The following CYTH3 variants were observed in gnomAD, a reference collection of about 807,000 sequenced individuals.
CYTH3 encodes the protein cytohesin 3, also known as cytohesin-3.
Under a neutral mutation model 55.1 loss-of-function variants are expected in CYTH3, and 23 were observed. That is an observed-to-expected ratio of 0.42 (90% CI 0.30 to 0.59). The LOEUF (loss-of-function observed/expected upper bound fraction) is 0.59. CYTH3 is among the 20% of genes least tolerant of loss of function. CYTH3 has a pLI of 0.20. For synonymous variants in CYTH3, 249 were observed against 194.9 expected (o/e 1.28, Z -2.31); for missense variants, 413 against 524.8 (o/e 0.79, Z 2.08).
chr7:6,238,966 C>A (rs1470647283), intron 1 of CYTH3, among the ~76,000 whole-genome samples: 3 of 150,638 alleles, frequency 2.0e-5, no homozygotes, highest in African/African-American at 7.5e-5. Context: ...GTAATTCCAG[C>A]ACTTTGGGAG....
intron 4 of CYTH3, among the ~76,000 whole-genome samples, chr7:6,179,809 CCACACACACACCA>C (rs1562881608): frequency 1.5e-5 from 2 of 134,212 alleles, no homozygotes; most frequent in African/African-American, 5.5e-5. Context: ...ACCACACACA[CCACACACACACCA>C]CACACGCACA....
At chr7:6,236,472 A>G (rs1016234892) in intron 1 of CYTH3, among the ~76,000 whole-genome samples, 8 of 151,866 alleles carry the variant, frequency 5.3e-5, no homozygotes, top group African/African-American at 1.9e-4. Context: ...GGCCTCCAAA[A>G]GCACTGGAAT....
chr7:6,242,814 C>T (rs1241857460), intron 1 of CYTH3, among the ~76,000 whole-genome samples: 1 of 152,130 alleles, frequency 6.6e-6, no homozygotes, highest in African/African-American at 2.4e-5. Flanking sequence ...CTACCCAGTG[C>T]CTCCCATACT....
intron 4 of CYTH3, among the ~76,000 whole-genome samples, chr7:6,178,418 T>C (rs1280348148): frequency 1.3e-5 from 2 of 152,218 alleles, no homozygotes; most frequent in Non-Finnish European, 2.9e-5. Flanking sequence ...CTGGCTGCCT[T>C]TGGCACTAGA....
chr7:6,209,632 G>C lies in CYTH3; in HGVS notation c.35-19101C>G, dbSNP rs571406312. Among the ~76,000 whole-genome samples the C allele has an allele frequency of 5.3e-5, 8 of 152,232 alleles. No homozygotes were observed. In the South Asian group the frequency reaches 1.7e-3, roughly 32 times the overall value. ...TCCTTGGAATTTACCCAACTGAGTT[G>C]GAAACTATGTCCACATGAAAATCTG... On this transcript the variant is annotated intron_variant, in intron 1 of 12. Coordinates refer to ENST00000350796, the MANE Select transcript of CYTH3 (RefSeq NM_004227.4).
intron 1 of CYTH3, among the ~76,000 whole-genome samples, chr7:6,237,545 G>A (rs202205872): frequency 2.0e-5 from 3 of 151,770 alleles, no homozygotes; most frequent in African/African-American, 7.3e-5. Flanking sequence ...CCGTCTCTAC[G>A]AAAAATACAA....
chr7:6,163,551 G>C lies in CYTH3; in HGVS notation c.*1393C>G, dbSNP rs186074177. 3.9e-5 allele frequency: 6 copies of C among 152,426 alleles called. No homozygotes were observed. The highest frequency in any genetic ancestry group is 7.3e-5 in the Non-Finnish European group (5 of 68,104). 9.4% of individuals were successfully genotyped at this position (152,426 alleles called of 1,614,324 possible). ...GGTCCAGCCCTGAGCCCTCTCTGTA[G>C]GTGGGGCCCAGATCCAGCCTTCCTT... is the stretch of plus-strand genomic sequence containing the variant. On this transcript the variant is annotated 3_prime_UTR_variant, in exon 13 of 13. Transcript: ENST00000350796.
chr7:6,196,456 CTTTT>C (rs5882084), intron 1 of CYTH3, among the ~76,000 whole-genome samples: 38 of 113,984 alleles, frequency 3.3e-4, no homozygotes, highest in East Asian at 6.3e-4. Context: ...TTCTTTTTTT[CTTTT>C]TTTTTTTTTT....
chr7:6,253,589 G>T (rs528379692), intron 1 of CYTH3, among the ~76,000 whole-genome samples: 1 of 151,976 alleles, frequency 6.6e-6, no homozygotes, highest in Non-Finnish European at 1.5e-5. Context: ...AGGCCAAGGC[G>T]GGCAGATCAC....
intron 1 of CYTH3, among the ~76,000 whole-genome samples, chr7:6,198,821 T>G (rs528230700): frequency 6.7e-6 from 1 of 150,322 alleles, no homozygotes; most frequent in Non-Finnish European, 1.5e-5. Flanking sequence ...TGGTCTGGCA[T>G]GAAATCTCTA....
chr7:6,226,605 T>A (rs150377129), intron 1 of CYTH3, among the ~76,000 whole-genome samples: 28 of 152,340 alleles, frequency 1.8e-4, no homozygotes, highest in African/African-American at 6.0e-4. Context: ...AACTTTTTAG[T>A]TAAGTTACTT....
chr7:6,195,518 G>A lies in CYTH3; in HGVS notation c.35-4987C>T, dbSNP rs148717961. Among the ~76,000 whole-genome samples, 427 of 151,958 alleles carry A rather than the reference G, an allele frequency of 2.8e-3. 2 individuals are homozygous for A. The highest frequency in any genetic ancestry group is 9.1e-3 in the African/African-American group (377 of 41,416). On this transcript the variant is annotated intron_variant, in intron 1 of 12. Transcript: ENST00000350796. ...CACCCAGGCTGGAGTACAATGGCAC[G>A]ATCTGGGCTCACTGCAACCTCCACC...
At chr7:6,168,482 G>T (rs576292996) in intron 9 of CYTH3, among the ~76,000 whole-genome samples, 1 of 152,052 alleles carries the variant, frequency 6.6e-6, no homozygotes, top group Non-Finnish European at 1.5e-5. Context: ...GCCCTGGCTC[G>T]CCAGCCTTTG....
Position 6,177,862 on chromosome 7 carries a change from C to G in CYTH3, c.329G>C (p.Gly110Ala). 6.2e-7 allele frequency: 1 copy of G among 1,614,156 alleles called. No homozygotes were observed. Among genetic ancestry groups the G allele is most frequent in the Non-Finnish European group, 8.5e-7 (1 of 1,179,998 alleles). The change falls in exon 5 of 13, where the codon GGC (glycine) becomes GCC (alanine). Residue 110 changes from glycine (G) to alanine (A), a missense_variant. Coordinates refer to ENST00000350796, the MANE Select transcript of CYTH3 (RefSeq NM_004227.4). The part of the protein sequence containing the change: ...DVAQFLYKGE[G>A]LNKTVIGDYL... ...GTCCCCAATGACGGTCTTATTTAGGCCTTCTCCTTTATAAAGGAACTGGGC... is the reference window on the plus strand; with the variant it reads ...GTCCCCAATGACGGTCTTATTTAGGGCTTCTCCTTTATAAAGGAACTGGGC...
In CYTH3 at chr7:6,215,014, C is replaced by A. The variant is rs1285023565; in HGVS notation, c.35-24483G>T. 2.0e-5 allele frequency among the ~76,000 whole-genome samples: 3 copies of A among 152,096 alleles called. No homozygotes were observed. In the East Asian group the frequency reaches 5.8e-4, roughly 29 times the overall value. On this transcript the variant is annotated intron_variant, in intron 1 of 12. Transcript: ENST00000350796. The stretch of plus-strand genomic sequence containing the variant: ...AAATTTAAACAGAACCCACCTTACA[C>A]AAAACTACAGAGTTATTTGTGTGTG...
chr7:6,262,112 A>G (rs1316678031), intron 1 of CYTH3, among the ~76,000 whole-genome samples: 1 of 152,246 alleles, frequency 6.6e-6, no homozygotes, highest in Non-Finnish European at 1.5e-5. Flanking sequence ...GATTACTACA[A>G]TGGAATATAA....
intron 1 of CYTH3, among the ~76,000 whole-genome samples, chr7:6,258,822 C>A (rs1780201949): frequency 6.6e-6 from 1 of 152,308 alleles, no homozygotes; most frequent in Admixed American, 6.5e-5. Flanking sequence ...CACCCTAATT[C>A]TTGAATCAAC....
intron 1 of CYTH3, among the ~76,000 whole-genome samples, chr7:6,202,470 T>G (rs1191963455): frequency 1.3e-5 from 2 of 151,132 alleles, no homozygotes; most frequent in African/African-American, 4.9e-5. Flanking sequence ...TTTTTTTTTT[T>G]TTTTTTTTTG....
chr7:6,178,628 C>G (rs1783405424), intron 4 of CYTH3, among the ~76,000 whole-genome samples: 1 of 152,210 alleles, frequency 6.6e-6, no homozygotes, highest in South Asian at 2.1e-4. Context: ...CGCCTTCTTG[C>G]CACTTGGGAG....
Sources: gnomAD v4.1 joint callset for allele counts (sites outside exome capture counted in the v4.1 genomes callset) on GRCh38, gnomAD v4.1.1 for gene constraint, MANE v1.5 for transcripts, NCBI Gene and HGNC (gene_info 2026-07-23, HGNC 2026-07-21) for gene names.